The following SERPINI1 variants were observed in gnomAD, a reference collection of about 807,000 sequenced individuals.
SERPINI1 encodes serpin family I member 1, also known as neuroserpin.
SERPINI1 carries 19 observed loss-of-function variants against 41.1 expected under a neutral mutation model. The observed-to-expected ratio is 0.46, with a 90% confidence interval of 0.32 to 0.68. The LOEUF (loss-of-function observed/expected upper bound fraction) is 0.68. SERPINI1 is among the 30% of genes least tolerant of loss of function. The pLI is 0.03. For missense variants in SERPINI1, 460 were observed against 479.2 expected, an observed-to-expected ratio of 0.96 and a Z score of 0.37; for synonymous variants, 138 against 156.6, an observed-to-expected ratio of 0.88 and a Z score of 0.89.
chr3:167,748,190 C>CA (rs1467199439), intron 1 of SERPINI1, among the ~76,000 whole-genome samples: 9 of 151,166 alleles, frequency 6.0e-5, no homozygotes, highest in Non-Finnish European at 1.3e-4. Flanking sequence ...TAGTGAAACA[C>CA]AAAATCCATC....
At chr3:167,762,233 G>A (rs966410448) in intron 1 of SERPINI1, among the ~76,000 whole-genome samples, 6 of 151,896 alleles carry the variant, frequency 4.0e-5, no homozygotes, top group African/African-American at 1.5e-4. Context: ...CAATGCCTCT[G>A]CTTGTGTTCT....
chr3:167,824,553 A>T lies in SERPINI1; in HGVS notation c.1147A>T (p.Arg383Trp). 1 of 1,610,562 alleles carries T rather than the reference A, an allele frequency of 6.2e-7. No homozygotes were observed. Among genetic ancestry groups the T allele is most frequent in the Non-Finnish European group, 8.5e-7 (1 of 1,177,034 alleles). The change falls in exon 8 of 9, where the codon AGG (arginine) becomes TGG (tryptophan). Residue 383 changes from arginine (R) to tryptophan (W), a missense_variant. Arg to Trp is a moderately radical substitution (Grantham distance 101, BLOSUM62 -3). Transcript: ENST00000446050. Reference protein sequence around the residue: ...DHPFFFLIRNRRTGTILFMGR... With the variant: ...DHPFFFLIRNWRTGTILFMGR... Reference sequence around the variant, plus strand: ...TCCATTTTTCTTTCTTATCAGAAACAGGAGAACTGGTAAGTTTATTATGAA... The same window carrying T: ...TCCATTTTTCTTTCTTATCAGAAACTGGAGAACTGGTAAGTTTATTATGAA...
intron 1 of SERPINI1, among the ~76,000 whole-genome samples, chr3:167,741,825 A>G (rs1000929897): frequency 6.6e-6 from 1 of 152,210 alleles, no homozygotes; most frequent in Non-Finnish European, 1.5e-5. Context: ...ATAGTATCTT[A>G]TATCTTATGT....
chr3:167,810,074 T>G (rs1711815949), intron 6 of SERPINI1, among the ~76,000 whole-genome samples: 1 of 152,156 alleles, frequency 6.6e-6, no homozygotes, highest in African/African-American at 2.4e-5. Flanking sequence ...CACACATTAA[T>G]TTATGAATCA....
intron 2 of SERPINI1, among the ~76,000 whole-genome samples, chr3:167,790,058 T>C (rs556590017): frequency 5.0e-4 from 76 of 152,356 alleles, no homozygotes; most frequent in South Asian, 2.3e-3. Context: ...TACTTTTTTC[T>C]AATAGTATAA....
At chr3:167,796,061 A>G (rs979126159) in intron 5 of SERPINI1, among the ~76,000 whole-genome samples, 1 of 152,120 alleles carries the variant, frequency 6.6e-6, no homozygotes, top group East Asian at 1.9e-4. Context: ...AGTATTAAAG[A>G]TGAATTATTA....
chr3:167,750,067 T>C (rs1413257841), intron 1 of SERPINI1, among the ~76,000 whole-genome samples: 1 of 152,216 alleles, frequency 6.6e-6, no homozygotes, highest in African/African-American at 2.4e-5. Flanking sequence ...AATTATATAT[T>C]TTGTTAAAGT....
intron 6 of SERPINI1, among the ~76,000 whole-genome samples, chr3:167,807,574 C>T (rs983344158): frequency 1.3e-5 from 2 of 152,074 alleles, no homozygotes; most frequent in Non-Finnish European, 2.9e-5. Context: ...ATTATATTCT[C>T]CGGAAGACCT....
chr3:167,767,939 T>C (rs1160490758), intron 1 of SERPINI1, among the ~76,000 whole-genome samples: 1 of 152,244 alleles, frequency 6.6e-6, no homozygotes, highest in Non-Finnish European at 1.5e-5. Context: ...GTGAAGATGC[T>C]GTGAACATTG....
chr3:167,792,849 A>G, intron 4 of SERPINI1, 65 bp downstream of exon 4: 3 of 1,383,232 alleles, frequency 2.2e-6, no homozygotes, highest in Non-Finnish European at 1.0e-6. Flanking sequence ...TAAGAAAAAC[A>G]TGAAGCATTC....
chr3:167,799,447 G>A (rs1727829723), intron 5 of SERPINI1, among the ~76,000 whole-genome samples: 1 of 152,184 alleles, frequency 6.6e-6, no homozygotes, highest in African/African-American at 2.4e-5. Context: ...TATCACTGAT[G>A]GACATTTGGG....
intron 1 of SERPINI1, among the ~76,000 whole-genome samples, chr3:167,749,333 A>G (rs1044184104): frequency 2.0e-5 from 3 of 150,692 alleles, no homozygotes; most frequent in African/African-American, 7.5e-5. Flanking sequence ...TCCACAAAAC[A>G]TATGAAGACA....
At chr3:167,783,105 A>C (rs780113585) in intron 1 of SERPINI1, among the ~76,000 whole-genome samples, 1 of 152,202 alleles carries the variant, frequency 6.6e-6, no homozygotes, top group Non-Finnish European at 1.5e-5. Flanking sequence ...GAGGCTCAGC[A>C]TATGTTGGAT....
chr3:167,787,607 C>T (rs1257168444), intron 1 of SERPINI1, among the ~76,000 whole-genome samples: 1 of 152,202 alleles, frequency 6.6e-6, no homozygotes, highest in Non-Finnish European at 1.5e-5. Flanking sequence ...AGAGCCTGCC[C>T]CGCAGCAGTG....
intron 6 of SERPINI1, among the ~76,000 whole-genome samples, chr3:167,811,265 C>A (rs1711866828): frequency 6.6e-6 from 1 of 151,392 alleles, no homozygotes; most frequent in African/African-American, 2.4e-5. Flanking sequence ...GCCAGGAATT[C>A]TTCCTAACAT....
intron 1 of SERPINI1, among the ~76,000 whole-genome samples, chr3:167,764,279 C>T (rs1335305624): frequency 6.6e-6 from 1 of 152,050 alleles, no homozygotes; most frequent in Non-Finnish European, 1.5e-5. Flanking sequence ...TCAATTCATA[C>T]CCAAATTTAT....
At chr3:167,802,504 C>T (rs1188590363) in intron 5 of SERPINI1, among the ~76,000 whole-genome samples, 26 of 151,444 alleles carry the variant, frequency 1.7e-4, no homozygotes, top group Non-Finnish European at 3.8e-4. Context: ...GACATTTATG[C>T]AGCCAAAAAA....
In SERPINI1 at chr3:167,792,368, T is replaced by C. The variant is rs201480639; in HGVS notation, c.482-222T>C. Among the ~76,000 whole-genome samples, 232 of 47,948 alleles carry C rather than the reference T, an allele frequency of 4.8e-3. 1 individual carries two copies. Among genetic ancestry groups the C allele is most frequent in the African/African-American group, 0.025 (164 of 6,588 alleles). The allele number at this position is 47,948 out of a possible 152,430, so 31.5% of individuals were successfully genotyped here. On this transcript the variant is annotated intron_variant, in intron 3 of 8. Coordinates refer to ENST00000446050, the MANE Select transcript of SERPINI1 (RefSeq NM_001122752.2). ...ACACACACATATATATATACACACA[T>C]ATATATATATACACACACACATATA...
intron 1 of SERPINI1, among the ~76,000 whole-genome samples, chr3:167,763,375 GTGTA>G (rs369098206): frequency 0.018 from 2,644 of 148,672 alleles, 46 homozygotes; most frequent in Admixed American, 0.049. Context: ...GTGTGTGTGT[GTGTA>G]TGTGTGTGTG....
Sources: allele counts gnomAD v4.1 joint callset (sites outside exome capture counted in the v4.1 genomes callset), GRCh38; gene constraint gnomAD v4.1.1; transcripts MANE v1.5; gene names NCBI Gene and HGNC (gene_info 2026-07-23, HGNC 2026-07-21).